The following ACACA variants were observed in gnomAD, a reference collection of about 807,000 sequenced individuals.
ACACA encodes acetyl-CoA carboxylase 1.
In ACACA, 103 loss-of-function variants were observed where a neutral mutation model predicts 296.1. The observed-to-expected ratio is 0.35, with a 90% CI of 0.30 to 0.41. The LOEUF (loss-of-function observed/expected upper bound fraction) is 0.41, where lower values mean the gene tolerates loss of function less well. Ranked by LOEUF, ACACA falls within the 10% of genes least tolerant of loss-of-function variation. The pLI is 1.00. For missense variants in ACACA, 1,554 were observed against 2,989.7 expected (o/e 0.52, Z 11.20); for synonymous variants, 953 against 1,038.6 (o/e 0.92, Z 1.58).
intron 1 of ACACA, among the ~76,000 whole-genome samples, chr17:37,341,858 A>G (rs982506385): frequency 6.6e-6 from 1 of 152,070 alleles, no homozygotes; most frequent in Non-Finnish European, 1.5e-5. Context: ...CCTTTTCTTG[A>G]CAAAAATGTA....
rs560705335 is a variant in ACACA at position 37,088,865 on chromosome 17, A to ATTTG, written c.7028+69_7028+72dup. On this transcript the variant is annotated intron_variant, in intron 55 of 55. Coordinates refer to ENST00000616317, the MANE Select transcript of ACACA (RefSeq NM_198834.3). ...ATAAGATTTCTGCGATCATCTCATG[A>ATTTG]TTTGTTTGGAAACTTTTTATTCCAA... 2.4e-4 allele frequency: 383 copies of ATTTG among 1,564,812 alleles called. 1 individual carries two copies. In the African/African-American group the frequency reaches 4.5e-3, roughly 18 times the overall value.
At chr17:37,210,638 CA>C in intron 29 of ACACA, 148 bp from the exon 30 acceptor site, 1 of 724,518 alleles carries the variant, frequency 1.4e-6, no homozygotes, top group Non-Finnish European at 2.5e-6. Context: ...CATTACCCTT[CA>C]ACCCCCAGGA....
chr17:37,405,843 C>T (rs1173159480), intron 1 of ACACA, among the ~76,000 whole-genome samples: 1 of 147,408 alleles, frequency 6.8e-6, no homozygotes, highest in Non-Finnish European at 1.5e-5. Context: ...TGAGCCACCG[C>T]GCCCGGCAGG....
At chr17:37,366,758 C>T (rs2049620703) in intron 1 of ACACA, among the ~76,000 whole-genome samples, 2 of 151,166 alleles carry the variant, frequency 1.3e-5, no homozygotes, top group African/African-American at 4.9e-5. Context: ...TGAGCCACTG[C>T]ACCTGGCCAC....
chr17:37,334,222 T>G (rs984099233), intron 2 of ACACA, among the ~76,000 whole-genome samples: 19 of 152,040 alleles, frequency 1.2e-4, no homozygotes, highest in African/African-American at 2.4e-5. Context: ...CAGGACTTAG[T>G]CCATACAAAA....
chr17:37,319,696 T>C (rs2047256130), intron 3 of ACACA, among the ~76,000 whole-genome samples: 1 of 151,998 alleles, frequency 6.6e-6, no homozygotes. Flanking sequence ...CTCACGCCTG[T>C]AATCCCAGCA....
At chr17:37,155,831 C>G in intron 42 of ACACA, 51 bp from the exon 43 acceptor site, 3 of 1,180,070 alleles carry the variant, frequency 2.5e-6, no homozygotes, top group Non-Finnish European at 3.8e-6. Flanking sequence ...GTCATATAAT[C>G]AGAAGATACA....
intron 28 of ACACA, 179 bp from the exon 29 acceptor site, chr17:37,222,021 A>G (rs1259063150): frequency 1.6e-6 from 1 of 629,570 alleles, no homozygotes; most frequent in East Asian, 2.8e-5. Flanking sequence ...GAGTCTTAAT[A>G]CTATAACCAT....
At chr17:37,192,440 A>G (rs903314030) in intron 36 of ACACA, 135 bp from the exon 37 acceptor site, 1 of 813,948 alleles carries the variant, frequency 1.2e-6, no homozygotes, top group African/African-American at 1.7e-5. Context: ...AAAATGAGCT[A>G]CATTCAAGGC....
At position 37,113,859 on chromosome 17, in the gene ACACA, T is replaced by C. The variant is rs2074104364; in HGVS notation, c.6275-594A>G. Among the ~76,000 whole-genome samples the C allele has an allele frequency of 6.6e-6, 1 of 152,246 alleles. No individual in the cohort carries two copies. On this transcript the variant is annotated intron_variant, in intron 50 of 55. Transcript: ENST00000616317. This position sits in a 1 kb window ranked among gnomAD's most constrained non-coding sequence, Gnocchi z 4.0. ...GAATGAATGCTGAATAAATTAGTTA[T>C]ATACTCTGGAAAGAATATAATGAGA...
rs71368443 is a variant in ACACA, at chr17:37,119,589, A to AACACACAC, written c.6274+1758_6274+1765dup. Among the ~76,000 whole-genome samples the AACACACAC allele has an allele frequency of 4.2e-3, 545 of 128,426 alleles. 7 individuals carry two copies. Among genetic ancestry groups the AACACACAC allele is most frequent in the African/African-American group, 9.3e-3 (311 of 33,570 alleles). 84.3% of individuals were successfully genotyped at this position (128,426 alleles called of 152,430 possible). On this transcript the variant is annotated intron_variant, in intron 50 of 55. Transcript: ENST00000616317. ...CAGGCAAAGGTAAACTTTTCAACCA[A>AACACACAC]ACACACACACACACACACACACACA...
chr17:37,129,420 A>ACCCCAT lies in ACACA; in HGVS notation c.5888_5889insATGGGG (p.Val1963_Pro1964insTrpGly). 6.2e-7 allele frequency: 1 copy of ACCCCAT among 1,614,082 alleles called. No individual in the cohort carries two copies. Among genetic ancestry groups the ACCCCAT allele is most frequent in the Non-Finnish European group, 8.5e-7 (1 of 1,180,002 alleles). On this transcript the variant is annotated inframe_insertion, in exon 47 of 56. Transcript: ENST00000616317. ...GAGGATCGTATGGGGTCTTTGTGGG[A>ACCCCAT]ACAAACTCGATGATTCTGTCTATAG...
chr17:37,328,172 T>A (rs2047705980), intron 3 of ACACA, among the ~76,000 whole-genome samples: 1 of 152,196 alleles, frequency 6.6e-6, no homozygotes, highest in African/African-American at 2.4e-5. Flanking sequence ...GAAAAGTTAG[T>A]GAAATAAAAT....
At chr17:37,347,683 G>T (rs1342534272) in intron 1 of ACACA, among the ~76,000 whole-genome samples, 2 of 147,156 alleles carry the variant, frequency 1.4e-5, no homozygotes, top group African/African-American at 5.1e-5. Context: ...CAGGAGGGTC[G>T]CTTGAGTCCA....
intron 3 of ACACA, among the ~76,000 whole-genome samples, chr17:37,321,639 T>A (rs2047359882): frequency 6.6e-6 from 1 of 151,968 alleles, no homozygotes; most frequent in African/African-American, 2.4e-5. Flanking sequence ...TCCCAGCTGC[T>A]GGGGAGGGTG....
At chr17:37,134,625 CTCT>C (rs1349468170) in intron 45 of ACACA, among the ~76,000 whole-genome samples, 1 of 152,210 alleles carries the variant, frequency 6.6e-6, no homozygotes. Context: ...TCTATTCCTT[CTCT>C]TCCTCTTTAT....
chr17:37,169,665 G>A lies in ACACA; in HGVS notation c.5080-7615C>T, dbSNP rs113233087. Reference sequence around the variant, plus strand: ...TACAATCACTATAAAAGTATACACAGTGTGACAATGTGATTAGCAATGTGA... The same window carrying A: ...TACAATCACTATAAAAGTATACACAATGTGACAATGTGATTAGCAATGTGA... On this transcript the variant is annotated intron_variant, in intron 41 of 55. Coordinates refer to ENST00000616317, the MANE Select transcript of ACACA (RefSeq NM_198834.3). Among the ~76,000 whole-genome samples the A allele has an allele frequency of 5.1e-3, 774 of 152,230 alleles. 10 individuals are homozygous for A. The highest frequency in any genetic ancestry group is 0.017 in the African/African-American group (713 of 41,530).
rs764948829 is a variant in ACACA at position 37,241,967 on chromosome 17, A to G, written c.3018T>C (p.Val1006=). The part of the protein sequence containing the change: ...EVFFMNTQSI[V]QLVQRYRSGI... Reference sequence around the variant, plus strand: ...CAAGTTACTACCTCTGTACCAGCTGAACAATGCTCTGAGTATTCATAAAGA... The same window carrying G: ...CAAGTTACTACCTCTGTACCAGCTGGACAATGCTCTGAGTATTCATAAAGA... Residue 1006 remains valine, a synonymous_variant, in exon 23 of 56, where the codon GTT becomes GTC. Coordinates refer to ENST00000616317, the MANE Select transcript of ACACA (RefSeq NM_198834.3). The G allele has an allele frequency of 6.2e-7, 1 of 1,613,710 alleles. No homozygotes were observed. The highest frequency in any genetic ancestry group is 8.5e-7 in the Non-Finnish European group (1 of 1,179,670).
At chr17:37,267,261 C>G (rs2081826627) in intron 10 of ACACA, among the ~76,000 whole-genome samples, 1 of 152,154 alleles carries the variant, frequency 6.6e-6, no homozygotes, top group Non-Finnish European at 1.5e-5. Context: ...TCTGGCAGCT[C>G]AACTGGGGTT....
Sources: gnomAD v4.1 joint callset for allele counts (sites outside exome capture counted in the v4.1 genomes callset) on GRCh38, gnomAD v4.1.1 for gene constraint, Gnocchi (gnomAD v3.1) non-coding constraint, MANE v1.5 for transcripts, NCBI Gene and HGNC (gene_info 2026-07-23, HGNC 2026-07-21) for gene names.